The following SNTG1 variants were observed in gnomAD, a reference collection of about 807,000 sequenced individuals.
The protein encoded by SNTG1 is gamma-1-syntrophin.
In SNTG1, 39 loss-of-function variants were observed where a neutral mutation model predicts 74.7. That is an observed-to-expected ratio of 0.52 (90% CI 0.40 to 0.68). The LOEUF is 0.68. Among genes scored for constraint, SNTG1 ranks in the 30% least tolerant of loss-of-function variants. The pLI is 0.00. For synonymous variants in SNTG1, 254 were observed against 217.1 expected (o/e 1.17, Z -1.49); for missense variants, 685 against 609.5 (o/e 1.12, Z -1.30).
At chr8:50,108,850 T>G (rs965304564) in intron 1 of SNTG1, among the ~76,000 whole-genome samples, 1 of 152,116 alleles carries the variant, frequency 6.6e-6, no homozygotes, top group African/African-American at 2.4e-5. Flanking sequence ...TGGTTTACTT[T>G]TGGAGTCTGA....
At chr8:50,391,031 C>G (rs2092651121) in intron 2 of SNTG1, among the ~76,000 whole-genome samples, 1 of 152,164 alleles carries the variant, frequency 6.6e-6, no homozygotes. Context: ...GACAATTTGA[C>G]TTCCTCTTTT....
At chr8:50,671,612 C>T (rs1371668167) in intron 15 of SNTG1, among the ~76,000 whole-genome samples, 3 of 152,046 alleles carry the variant, frequency 2.0e-5, no homozygotes, top group Non-Finnish European at 4.4e-5. Flanking sequence ...TAAACTAGTT[C>T]AACCATTGTG....
intron 2 of SNTG1, among the ~76,000 whole-genome samples, chr8:50,184,377 GCTGGT>G (rs1382024847): frequency 1.3e-5 from 2 of 152,022 alleles, no homozygotes; most frequent in Non-Finnish European, 2.9e-5. Flanking sequence ...TGTTGGTCAG[GCTGGT>G]CTCCAACTCC....
chr8:50,180,637 C>A (rs1472454213), intron 2 of SNTG1, among the ~76,000 whole-genome samples: 1 of 152,074 alleles, frequency 6.6e-6, no homozygotes, highest in Non-Finnish European at 1.5e-5. Flanking sequence ...ATAAATCCCA[C>A]CACCTTCAAC....
chr8:50,549,433 C>A (rs1432825841), intron 11 of SNTG1, among the ~76,000 whole-genome samples: 1 of 152,130 alleles, frequency 6.6e-6, no homozygotes, highest in Admixed American at 6.6e-5. Context: ...TGTCCTCACA[C>A]ACAGGGCCAC....
intron 12 of SNTG1, among the ~76,000 whole-genome samples, chr8:50,575,115 T>C (rs1354531314): frequency 2.6e-5 from 4 of 152,210 alleles, no homozygotes; most frequent in Non-Finnish European, 5.9e-5. Context: ...GGTGCAATTA[T>C]GTCAGACCTA....
chr8:50,314,400 T>C (rs1253032345), intron 2 of SNTG1, among the ~76,000 whole-genome samples: 1 of 149,708 alleles, frequency 6.7e-6, no homozygotes, highest in Non-Finnish European at 1.5e-5. Flanking sequence ...AATTTAAAGG[T>C]TTCACCAAAT....
chr8:50,080,466 T>G (rs1822302873), intron 1 of SNTG1, among the ~76,000 whole-genome samples: 1 of 152,178 alleles, frequency 6.6e-6, no homozygotes, highest in South Asian at 2.1e-4. Flanking sequence ...TTTAAACTTG[T>G]TATTATTATG....
chr8:50,509,120 G>A (rs1031409440), intron 9 of SNTG1, among the ~76,000 whole-genome samples: 4 of 152,168 alleles, frequency 2.6e-5, no homozygotes, highest in African/African-American at 9.6e-5. Context: ...AAGGGATCCA[G>A]TTTCAGCTTT....
chr8:50,338,711 A>G (rs111769620), intron 2 of SNTG1, among the ~76,000 whole-genome samples: 72 of 152,290 alleles, frequency 4.7e-4, no homozygotes, highest in African/African-American at 1.4e-3. Context: ...AGATACGTCT[A>G]TGGAAGCTAT....
At chr8:50,480,568 T>G in intron 8 of SNTG1, among the ~76,000 whole-genome samples, 1 of 152,306 alleles carries the variant, frequency 6.6e-6, no homozygotes, top group Admixed American at 6.5e-5. Context: ...TAACTAGTGC[T>G]GAAATAATTA....
chr8:50,106,326 T>TA (rs2080369674), intron 1 of SNTG1, among the ~76,000 whole-genome samples: 1 of 152,042 alleles, frequency 6.6e-6, no homozygotes. Context: ...GAGAATAACA[T>TA]GGGGGGAATC....
intron 2 of SNTG1, among the ~76,000 whole-genome samples, chr8:50,267,103 A>T (rs563490837): frequency 6.6e-6 from 1 of 152,284 alleles, no homozygotes; most frequent in African/African-American, 2.4e-5. Context: ...ATCTAAGCAA[A>T]TAGTATACAG....
chr8:50,204,775 T>G (rs1454323943), intron 2 of SNTG1, among the ~76,000 whole-genome samples: 1 of 152,046 alleles, frequency 6.6e-6, no homozygotes, highest in African/African-American at 2.4e-5. Context: ...TGTGTCCAGG[T>G]GTTCTCATTG....
At chr8:50,059,121 G>C (rs1250475464) in intron 1 of SNTG1, among the ~76,000 whole-genome samples, 1 of 152,028 alleles carries the variant, frequency 6.6e-6, no homozygotes, top group Non-Finnish European at 1.5e-5. Context: ...TAGTACCCAT[G>C]TGCCAGTTTA....
At chr8:50,665,103 A>G (rs2095244260) in intron 15 of SNTG1, among the ~76,000 whole-genome samples, 1 of 152,140 alleles carries the variant, frequency 6.6e-6, no homozygotes, top group Non-Finnish European at 1.5e-5. Context: ...GATAAAATAT[A>G]CATAGTGAGC....
chr8:50,122,816 A>G (rs941640100), intron 1 of SNTG1, among the ~76,000 whole-genome samples: 1 of 142,480 alleles, frequency 7.0e-6, no homozygotes, highest in East Asian at 2.0e-4. Context: ...AGTTCTCCTC[A>G]TAGAAAACCA....
At chr8:50,660,410 A>AGAGAG (rs1434925230) in intron 15 of SNTG1, among the ~76,000 whole-genome samples, 1 of 3,582 alleles carries the variant, frequency 2.8e-4, no homozygotes, top group Non-Finnish European at 7.4e-4. Context: ...AGAAAGAAAG[A>AGAGAG]AAAGAAAGAA....
chr8:50,333,292 C>T (rs1365654437), intron 2 of SNTG1, among the ~76,000 whole-genome samples: 1 of 152,160 alleles, frequency 6.6e-6, no homozygotes, highest in Non-Finnish European at 1.5e-5. Context: ...ATGAATTAAC[C>T]ATTATTGATA....
Sources: gnomAD v4.1 joint callset for allele counts (sites outside exome capture counted in the v4.1 genomes callset) on GRCh38, gnomAD v4.1.1 for gene constraint, MANE v1.5 for transcripts, NCBI Gene and HGNC (gene_info 2026-07-23, HGNC 2026-07-21) for gene names.